Variants in LINGO2 observed in about 807,000 individuals in gnomAD.
LINGO2 encodes leucine-rich repeat and immunoglobulin-like domain-containing nogo receptor-interacting protein 2.
In LINGO2, 14 loss-of-function variants were observed where a neutral mutation model predicts 30.6. The observed-to-expected ratio is 0.46, with a 90% CI of 0.30 to 0.72. The LOEUF (loss-of-function observed/expected upper bound fraction) is 0.72, where lower values mean the gene tolerates loss of function less well. LINGO2 is among the 30% of genes least tolerant of loss of function. The probability of loss-of-function intolerance (pLI) is 0.07; values close to 1 mark genes in which losing one functional copy is unlikely to be tolerated. For synonymous variants in LINGO2, 317 were observed against 288.5 expected, an observed-to-expected ratio of 1.10 and a Z score of -1.00; for missense variants, 729 against 751.7, an observed-to-expected ratio of 0.97 and a Z score of 0.35.
intron 4 of LINGO2, among the ~76,000 whole-genome samples, chr9:28,031,130 T>C (rs1823649081): frequency 6.6e-6 from 1 of 152,098 alleles, no homozygotes; most frequent in Non-Finnish European, 1.5e-5. Flanking sequence ...AAGCTTCTCC[T>C]TGGCTGTAAA....
chr9:28,049,008 A>G (rs1007291930), intron 4 of LINGO2, among the ~76,000 whole-genome samples: 2 of 151,258 alleles, frequency 1.3e-5, no homozygotes. Context: ...TTAATTTTTA[A>G]ATCATTTAAG....
chr9:28,611,837 T>C (rs951066703), intron 1 of LINGO2, among the ~76,000 whole-genome samples: 6 of 151,506 alleles, frequency 4.0e-5, no homozygotes, highest in Non-Finnish European at 4.4e-5. Context: ...TTATTTTTTT[T>C]TGAGACAGAG....
At chr9:29,093,852 C>T in the LINGO2 span, among the ~76,000 whole-genome samples, 1 of 137,676 alleles carries the variant, frequency 7.3e-6, no homozygotes, top group South Asian at 2.3e-4. Context: ...TAGTCAAACA[C>T]AACAGGAATC....
At chr9:27,986,150 G>A (rs1186013779) in intron 5 of LINGO2, among the ~76,000 whole-genome samples, 1 of 151,148 alleles carries the variant, frequency 6.6e-6, no homozygotes, top group African/African-American at 2.4e-5. Flanking sequence ...GCTTCTGGAG[G>A]GGGAACAGGA....
the LINGO2 span, among the ~76,000 whole-genome samples, chr9:29,176,522 C>T: frequency 6.6e-6 from 1 of 152,206 alleles, no homozygotes. Flanking sequence ...TGGAGCTTCT[C>T]TCCAATGTCC....
At chr9:28,763,328 A>G in the LINGO2 span, among the ~76,000 whole-genome samples, 3 of 152,066 alleles carry the variant, frequency 2.0e-5, no homozygotes, top group East Asian at 5.8e-4. Context: ...CTGAAATCAT[A>G]CTAAGTATAT....
intron 1 of LINGO2, among the ~76,000 whole-genome samples, chr9:28,627,669 G>A (rs1408355644): frequency 3.3e-5 from 5 of 151,974 alleles, no homozygotes; most frequent in African/African-American, 1.2e-4. Flanking sequence ...TTAAGGTAGG[G>A]AAAACAAGTC....
chr9:28,745,983 A>C, the LINGO2 span, among the ~76,000 whole-genome samples: 1,654 of 152,166 alleles, frequency 0.011, 44 homozygotes, highest in African/African-American at 0.038. Flanking sequence ...AAACTATCAA[A>C]TATAAGATAA....
At chr9:28,110,637 A>G (rs1563981064) in intron 4 of LINGO2, among the ~76,000 whole-genome samples, 1 of 151,910 alleles carries the variant, frequency 6.6e-6, no homozygotes, top group East Asian at 1.9e-4. Flanking sequence ...CGTATGAAAA[A>G]CTCATCATCA....
the LINGO2 span, among the ~76,000 whole-genome samples, chr9:28,939,687 G>A: frequency 6.6e-6 from 1 of 152,250 alleles, no homozygotes; most frequent in East Asian, 1.9e-4. Flanking sequence ...GGTCTTGAGA[G>A]CAGAGGTGCT....
intron 1 of LINGO2, among the ~76,000 whole-genome samples, chr9:28,624,722 T>C (rs1826580581): frequency 6.6e-6 from 1 of 151,428 alleles, no homozygotes; most frequent in African/African-American, 2.4e-5. Flanking sequence ...CCACCTCTAC[T>C]TTTTTTTGAA....
the LINGO2 span, among the ~76,000 whole-genome samples, chr9:29,067,031 T>C: frequency 2.0e-5 from 3 of 151,696 alleles, no homozygotes; most frequent in East Asian, 1.9e-4. Context: ...CTAGGGAGAA[T>C]AGAGAAAGAA....
the LINGO2 span, among the ~76,000 whole-genome samples, chr9:28,948,558 T>C: frequency 0.16 from 24,948 of 151,978 alleles, 2,081 homozygotes; most frequent in South Asian, 0.2. Context: ...CACATACACA[T>C]ACCACTTAAA....
chr9:28,203,200 T>A (rs773251082), intron 4 of LINGO2, among the ~76,000 whole-genome samples: 1 of 152,212 alleles, frequency 6.6e-6, no homozygotes, highest in Non-Finnish European at 1.5e-5. Context: ...AATGTCACTA[T>A]AGTGTTTCAA....
chr9:28,051,269 T>C (rs1018335993), intron 4 of LINGO2, among the ~76,000 whole-genome samples: 3 of 152,068 alleles, frequency 2.0e-5, no homozygotes, highest in Admixed American at 2.0e-4. Context: ...TATAGCTAGA[T>C]ACAGTATTGG....
At chr9:28,089,652 G>T (rs1826017305) in intron 4 of LINGO2, among the ~76,000 whole-genome samples, 1 of 152,102 alleles carries the variant, frequency 6.6e-6, no homozygotes. Flanking sequence ...ACAATGAAAA[G>T]AACTAGAGAA....
the LINGO2 span, among the ~76,000 whole-genome samples, chr9:29,008,082 T>G: frequency 2.6e-5 from 4 of 152,028 alleles, no homozygotes; most frequent in Non-Finnish European, 4.4e-5. Flanking sequence ...CCCTCTCCCC[T>G]AACCCCACGA....
intron 4 of LINGO2, among the ~76,000 whole-genome samples, chr9:28,075,210 A>G (rs1016034719): frequency 2.0e-5 from 3 of 152,094 alleles, no homozygotes; most frequent in Non-Finnish European, 4.4e-5. Context: ...TATAAGGAGT[A>G]TCAAAGCATA....
In LINGO2 at chr9:28,366,676, TAA is replaced by T. The variant is rs201091820; in HGVS notation, c.-246+6158_-246+6159del. Among the ~76,000 whole-genome samples the T allele has an allele frequency of 3.5e-5, 5 of 144,380 alleles. No homozygotes were observed. The East Asian group carries it at 7.9e-4, about 23-fold the overall frequency. 94.7% of individuals were successfully genotyped at this position (144,380 alleles called of 152,430 possible). On this transcript the variant is annotated intron_variant, in intron 3 of 5. Coordinates refer to ENST00000379992, the Ensembl canonical transcript of LINGO2. The stretch of plus-strand genomic sequence containing the variant: ...ACAACAAATATACAAATAAACCAGT[TAA>T]AAAAAAAAAGAGTTACTTTCCCAAG...
Sources: gnomAD v4.1 joint callset for allele counts (sites outside exome capture counted in the v4.1 genomes callset) on GRCh38, gnomAD v4.1.1 for gene constraint, MANE v1.5 for transcripts, NCBI Gene and HGNC (gene_info 2026-07-23, HGNC 2026-07-21) for gene names.